Variants in EPHA6 observed in about 807,000 individuals in gnomAD.
EPHA6 encodes EPH receptor A6.
In EPHA6, 50 loss-of-function variants were observed where a neutral mutation model predicts 112.0. The observed-to-expected ratio is 0.45, with a 90% CI of 0.36 to 0.56. The LOEUF (loss-of-function observed/expected upper bound fraction) is 0.56. EPHA6 is among the 20% of genes least tolerant of loss of function. EPHA6 has a pLI of 0.00. For synonymous variants in EPHA6, 529 were observed against 490.7 expected, an observed-to-expected ratio of 1.08 and a Z score of -1.03; for missense variants, 1,280 against 1,417.4, an observed-to-expected ratio of 0.90 and a Z score of 1.56.
intron 3 of EPHA6, among the ~76,000 whole-genome samples, chr3:97,117,706 T>A (rs1298877543): frequency 6.6e-6 from 1 of 151,836 alleles, no homozygotes; most frequent in Non-Finnish European, 1.5e-5. Context: ...ACCATGCTGT[T>A]TTGATTACTT....
intron 5 of EPHA6, among the ~76,000 whole-genome samples, chr3:97,340,458 C>T (rs1361314612): frequency 2.0e-5 from 3 of 152,188 alleles, no homozygotes; most frequent in South Asian, 2.1e-4. Context: ...TTGGCTTTTG[C>T]TCTCAGGCTT....
At chr3:97,026,788 A>G (rs1044140954) in intron 3 of EPHA6, among the ~76,000 whole-genome samples, 1 of 152,184 alleles carries the variant, frequency 6.6e-6, no homozygotes, top group South Asian at 2.1e-4. Context: ...AAAATAATAG[A>G]TGCTAGCGAG....
chr3:97,048,432 A>C (rs1297970513), intron 3 of EPHA6, among the ~76,000 whole-genome samples: 2 of 152,200 alleles, frequency 1.3e-5, no homozygotes, highest in Non-Finnish European at 1.5e-5. Context: ...AATTAAAATT[A>C]TCTTGAATGC....
At chr3:97,093,234 A>G (rs1039092244) in intron 3 of EPHA6, among the ~76,000 whole-genome samples, 1 of 152,134 alleles carries the variant, frequency 6.6e-6, no homozygotes, top group Non-Finnish European at 1.5e-5. Flanking sequence ...CTGAAATTCT[A>G]TCATTCTGAT....
At chr3:97,153,207 A>T (rs553614467) in intron 3 of EPHA6, among the ~76,000 whole-genome samples, 107 of 152,242 alleles carry the variant, frequency 7.0e-4, no homozygotes, top group African/African-American at 2.5e-3. Context: ...GTCAATGCTT[A>T]TAACTTCTGA....
intron 1 of EPHA6, among the ~76,000 whole-genome samples, chr3:96,852,187 C>A (rs1051110480): frequency 4.0e-5 from 6 of 151,868 alleles, no homozygotes; most frequent in Non-Finnish European, 5.9e-5. Flanking sequence ...AAGGTGAGTC[C>A]AGTGCTACAT....
chr3:97,200,730 G>A (rs1036875691), intron 3 of EPHA6, among the ~76,000 whole-genome samples: 1 of 152,076 alleles, frequency 6.6e-6, no homozygotes, highest in Non-Finnish European at 1.5e-5. Context: ...GTAGATGGCT[G>A]TGTATTAGGA....
chr3:97,431,578 A>T (rs1429104079), intron 6 of EPHA6, among the ~76,000 whole-genome samples: 1 of 152,258 alleles, frequency 6.6e-6, no homozygotes, highest in South Asian at 2.1e-4. Flanking sequence ...TGGATAAACC[A>T]CAGCAGGTGG....
chr3:97,234,842 C>T (rs2078635078), intron 4 of EPHA6, among the ~76,000 whole-genome samples: 1 of 152,076 alleles, frequency 6.6e-6, no homozygotes, highest in African/African-American at 2.4e-5. Flanking sequence ...AGTCTTCTCT[C>T]CTGAGGTGCA....
At chr3:97,070,160 G>A (rs1428368445) in intron 3 of EPHA6, among the ~76,000 whole-genome samples, 2 of 152,014 alleles carry the variant, frequency 1.3e-5, no homozygotes, top group Non-Finnish European at 2.9e-5. Context: ...GTTTTCTTCA[G>A]AGCTTTTGTT....
At chr3:97,507,770 T>C (rs1402985389) in intron 10 of EPHA6, among the ~76,000 whole-genome samples, 1 of 152,046 alleles carries the variant, frequency 6.6e-6, no homozygotes, top group African/African-American at 2.4e-5. Flanking sequence ...TGGTAGAATT[T>C]GGCTGTGAAT....
intron 15 of EPHA6, 101 bp from the exon 16 acceptor site, chr3:97,735,824 C>A: frequency 2.4e-6 from 2 of 827,054 alleles, no homozygotes; most frequent in Non-Finnish European, 3.6e-6. Context: ...AGTTTTCATG[C>A]TTACCATTAT....
At chr3:96,973,805 A>G (rs1405947794) in intron 2 of EPHA6, among the ~76,000 whole-genome samples, 1 of 147,800 alleles carries the variant, frequency 6.8e-6, no homozygotes, top group South Asian at 2.1e-4. Context: ...AGCCTGGGCG[A>G]CAGAGCGAGA....
intron 6 of EPHA6, among the ~76,000 whole-genome samples, chr3:97,442,541 G>A (rs1418787709): frequency 6.6e-6 from 1 of 152,126 alleles, no homozygotes; most frequent in Non-Finnish European, 1.5e-5. Flanking sequence ...CTGCACTCCA[G>A]CCTGGTTGAC....
rs1252025755 is a variant in EPHA6, at chr3:97,610,810, G to A, written c.2530G>A (p.Val844Met). The change falls in exon 13 of 18, where the codon GTG becomes ATG. Residue 844 changes from valine (V) to methionine (M), a missense_variant. This residue lies in a region of EPHA6 where 878 missense variants were observed against 999.7 expected (regional missense o/e 0.88). Transcript: ENST00000389672. ...RIPAGRPVMI[V>M]VEYMENGSLD... ...TTTTGCAGGCAGACCAGTAATGATT[G>A]TGGTGGAATATATGGAGAATGGATC... 1.9e-6 allele frequency: 3 copies of A among 1,611,828 alleles called. No homozygotes were observed. Among genetic ancestry groups the A allele is most frequent in the Non-Finnish European group, 2.5e-6 (3 of 1,178,542 alleles).
chr3:96,928,059 A>T (rs564906008), intron 2 of EPHA6, among the ~76,000 whole-genome samples: 9 of 152,290 alleles, frequency 5.9e-5, no homozygotes, highest in Non-Finnish European at 1.2e-4. Context: ...CACTGTCAGG[A>T]GAACAGCATA....
At chr3:97,269,538 T>C (rs1345885618) in intron 5 of EPHA6, among the ~76,000 whole-genome samples, 2 of 152,178 alleles carry the variant, frequency 1.3e-5, no homozygotes, top group Admixed American at 1.3e-4. Context: ...TGCTACCCTT[T>C]GAGTAGCAAA....
intron 2 of EPHA6, among the ~76,000 whole-genome samples, chr3:96,949,641 G>A (rs192970909): frequency 2.6e-4 from 40 of 152,166 alleles, no homozygotes; most frequent in Non-Finnish European, 4.1e-4. Flanking sequence ...TTAAAAGGTA[G>A]GCAATGTGTG....
In EPHA6 at chr3:97,081,093, A is replaced by T. The variant is rs189659552; in HGVS notation, c.1114+93100A>T. ...ACATAATGCCATATTCATATATGGA[A>T]AAAAAAAAGATTTTTGTCAAATTGG... On this transcript the variant is annotated intron_variant, in intron 3 of 17. Transcript: ENST00000389672. 6.4e-3 allele frequency among the ~76,000 whole-genome samples: 743 copies of T among 116,120 alleles called. 6 individuals carry two copies. The highest frequency in any genetic ancestry group is 0.032 in the African/African-American group (655 of 20,640). 76.2% of individuals were successfully genotyped at this position (116,120 alleles called of 152,430 possible).
Sources: allele counts gnomAD v4.1 joint callset (sites outside exome capture counted in the v4.1 genomes callset), GRCh38; gene constraint gnomAD v4.1.1; regional missense constraint gnomAD v4.1.1; transcripts MANE v1.5; gene names NCBI Gene and HGNC (gene_info 2026-07-23, HGNC 2026-07-21).